APBA1: variants seen among roughly 807,000 people sequenced by gnomAD.
APBA1 encodes the protein amyloid beta precursor protein binding family A member 1, also known as amyloid-beta A4 precursor protein-binding family A member 1.
In APBA1, 55 loss-of-function variants were observed where a neutral mutation model predicts 86.6. The ratio of observed to expected loss-of-function variants is 0.64; its 90% CI spans 0.51 to 0.80. The LOEUF is 0.80. Among genes scored for constraint, APBA1 ranks in the 30% least tolerant of loss-of-function variants. The probability of loss-of-function intolerance (pLI) is 0.00; values close to 1 mark genes in which losing one functional copy is unlikely to be tolerated. For missense variants in APBA1, 1,090 were observed against 1,183.0 expected (o/e 0.92, Z 1.15); for synonymous variants, 511 against 493.9 (o/e 1.03, Z -0.46).
intron 2 of APBA1, among the ~76,000 whole-genome samples, chr9:69,485,591 C>T (rs1250377941): frequency 6.6e-6 from 1 of 152,012 alleles, no homozygotes; most frequent in East Asian, 1.9e-4. Context: ...GAGACATGTG[C>T]TTGTGAGGGT....
At chr9:69,553,985 C>T (rs978170925) in intron 1 of APBA1, among the ~76,000 whole-genome samples, 8 of 152,096 alleles carry the variant, frequency 5.3e-5, no homozygotes, top group African/African-American at 1.9e-4. Flanking sequence ...CCCCTTGAGC[C>T]ATCTCAGCAG....
At chr9:69,447,020 C>T (rs1189315626) in intron 10 of APBA1, among the ~76,000 whole-genome samples, 1 of 152,164 alleles carries the variant, frequency 6.6e-6, no homozygotes, top group African/African-American at 2.4e-5. Context: ...AGTCTGAGCT[C>T]AGCGTACCAG....
Position 69,567,376 on chromosome 9 carries a change from C to T in APBA1, c.-69-50097G>A, listed in dbSNP as rs1044358674. On this transcript the variant is annotated intron_variant, in intron 1 of 12. Transcript: ENST00000265381. The stretch of plus-strand genomic sequence containing the variant: ...ATGCAACACAGAGTCATTCATGTAA[C>T]TGGAATTCTTTTTTTTCCTTTCTGT... Among the ~76,000 whole-genome samples, 8 of 152,168 alleles carry T rather than the reference C, an allele frequency of 5.3e-5. No homozygotes were observed. The South Asian group carries it at 1.7e-3, about 32-fold the overall frequency.
intron 1 of APBA1, among the ~76,000 whole-genome samples, chr9:69,524,608 GA>G (rs924008162): frequency 1.4e-4 from 21 of 145,266 alleles, no homozygotes; most frequent in East Asian, 6.0e-4. Flanking sequence ...CCTACCAACT[GA>G]AAAAAAAAAC....
chr9:69,515,971 C>T (rs756836930), intron 2 of APBA1, 40 bp downstream of exon 2: 6 of 1,472,328 alleles, frequency 4.1e-6, no homozygotes, highest in Non-Finnish European at 9.1e-7. Flanking sequence ...TTCCCTCCCA[C>T]CGCGTGGGGC....
intron 9 of APBA1, among the ~76,000 whole-genome samples, chr9:69,450,555 A>C (rs77901966): frequency 0.01 from 1,574 of 152,280 alleles, 23 homozygotes; most frequent in African/African-American, 0.035. Flanking sequence ...TGCTTCCCCC[A>C]GCTGCTGAAG....
intron 1 of APBA1, among the ~76,000 whole-genome samples, chr9:69,573,103 T>C (rs916695370): frequency 6.6e-6 from 1 of 151,934 alleles, no homozygotes; most frequent in Non-Finnish European, 1.5e-5. Context: ...GAGGTTGCAA[T>C]GAGCTGAGAT....
intron 1 of APBA1, among the ~76,000 whole-genome samples, chr9:69,658,284 C>CTTTCTTTTTCTCTCTTTCTTTCTTTCTT (rs370230255): frequency 1.3e-5 from 1 of 75,482 alleles, no homozygotes; most frequent in Admixed American, 1.4e-4. Flanking sequence ...TTCTTTCTTT[C>CTTTCTTTTTCTCTCTTTCTTTCTTTCTT]TCTCTCTCTT....
chr9:69,664,558 T>A (rs11139678), intron 1 of APBA1, among the ~76,000 whole-genome samples: 3,062 of 152,320 alleles, frequency 0.02, 97 homozygotes, highest in African/African-American at 0.069. Context: ...GAATAAATGA[T>A]TTCATAAAAT....
intron 2 of APBA1, among the ~76,000 whole-genome samples, chr9:69,487,179 A>G (rs1211555684): frequency 1.3e-5 from 2 of 152,032 alleles, no homozygotes; most frequent in East Asian, 3.9e-4. Context: ...CAGGGCCATG[A>G]TGTGGAGAGG....
chr9:69,487,912 C>G (rs1464814859), intron 2 of APBA1, among the ~76,000 whole-genome samples: 3 of 152,150 alleles, frequency 2.0e-5, no homozygotes, highest in Non-Finnish European at 2.9e-5. Context: ...CTTCTGTTGA[C>G]TGTTGGGACC....
intron 2 of APBA1, among the ~76,000 whole-genome samples, chr9:69,484,088 A>G (rs1588311868): frequency 1.3e-5 from 2 of 152,082 alleles, no homozygotes; most frequent in South Asian, 4.2e-4. Flanking sequence ...TCTGGCCCCC[A>G]GGGAAACTGG....
rs118141790 is a variant in APBA1 at position 69,606,857 on chromosome 9, C to T, written c.-70+65296G>A. ...TGTATACTATTCTCAGGCCATGCTG[C>T]TTCCTAAAAGAAGTGACACATGGCA... On this transcript the variant is annotated intron_variant, in intron 1 of 12. Coordinates refer to ENST00000265381, the MANE Select transcript of APBA1 (RefSeq NM_001163.4). Among the ~76,000 whole-genome samples, 1,488 of 152,214 alleles carry T rather than the reference C, an allele frequency of 9.8e-3. 22 individuals carry two copies. Among genetic ancestry groups the T allele is most frequent in the Non-Finnish European group, 0.012 (848 of 68,026 alleles).
At chr9:69,445,529 G>T (rs1297936802) in intron 10 of APBA1, among the ~76,000 whole-genome samples, 1 of 152,140 alleles carries the variant, frequency 6.6e-6, no homozygotes, top group Non-Finnish European at 1.5e-5. Context: ...AGCCAGAATG[G>T]TCTCTATAGC....
intron 1 of APBA1, among the ~76,000 whole-genome samples, chr9:69,604,232 G>A (rs1490967836): frequency 6.6e-6 from 1 of 151,108 alleles, no homozygotes; most frequent in Non-Finnish European, 1.5e-5. Flanking sequence ...ACATGAGTGT[G>A]GGCACGCATA....
At chr9:69,531,032 T>G (rs865974476) in intron 1 of APBA1, among the ~76,000 whole-genome samples, 1 of 152,300 alleles carries the variant, frequency 6.6e-6, no homozygotes, top group Middle Eastern at 3.4e-3. Flanking sequence ...TTTAATATTT[T>G]ATCTAATATA....
intron 1 of APBA1, among the ~76,000 whole-genome samples, chr9:69,573,616 T>A (rs975551745): frequency 6.6e-5 from 10 of 152,238 alleles, no homozygotes; most frequent in African/African-American, 1.9e-4. Context: ...CTTTTGTATT[T>A]ACTGCTGCGG....
chr9:69,442,736 T>C lies in APBA1; in HGVS notation c.2182-1621A>G, dbSNP rs548290939. 3.3e-5 allele frequency among the ~76,000 whole-genome samples: 5 copies of C among 152,368 alleles called. No individual in the cohort carries two copies. In the East Asian group the frequency reaches 9.6e-4, roughly 29 times the overall value. Reference sequence around the variant, plus strand: ...GCCTCTTATTCTATAAATAGAATTCTGTAAATTCCACAGCCACTACTGCTG... The same window carrying C: ...GCCTCTTATTCTATAAATAGAATTCCGTAAATTCCACAGCCACTACTGCTG... On this transcript the variant is annotated intron_variant, in intron 10 of 12. Coordinates refer to ENST00000265381, the MANE Select transcript of APBA1 (RefSeq NM_001163.4).
At chr9:69,520,918 A>AGCCTGACC (rs1450611862) in intron 1 of APBA1, among the ~76,000 whole-genome samples, 48 of 152,148 alleles carry the variant, frequency 3.2e-4, no homozygotes. Flanking sequence ...CCCCACTGCC[A>AGCCTGACC]GCCTGATGAT....
Sources: gnomAD v4.1 joint callset for allele counts (sites outside exome capture counted in the v4.1 genomes callset) on GRCh38, gnomAD v4.1.1 for gene constraint, MANE v1.5 for transcripts, NCBI Gene and HGNC (gene_info 2026-07-23, HGNC 2026-07-21) for gene names.